The following TWF2 variants were observed in gnomAD, a reference collection of about 807,000 sequenced individuals.
TWF2 encodes twinfilin-2.
In TWF2, 15 loss-of-function variants were observed where a neutral mutation model predicts 45.1. The ratio of observed to expected loss-of-function variants is 0.33; its 90% CI spans 0.22 to 0.51. The LOEUF is 0.51. Ranked by LOEUF, TWF2 falls within the 20% of genes least tolerant of loss-of-function variation. TWF2 has a pLI of 0.97. For synonymous variants in TWF2, 177 were observed against 195.8 expected (o/e 0.90, Z 0.80); for missense variants, 423 against 469.1 (o/e 0.90, Z 0.91).
chr3:52,237,518 G>A (rs756086308), intron 1 of TWF2, among the ~76,000 whole-genome samples: 14 of 152,230 alleles, frequency 9.2e-5, no homozygotes, highest in African/African-American at 2.9e-4. Flanking sequence ...TGACCCCCTC[G>A]GTGGGCCTGT....
chr3:52,230,883 T>C lies in TWF2; in HGVS notation c.596A>G (p.Asn199Ser). 1.2e-6 allele frequency: 2 copies of C among 1,611,686 alleles called. No individual in the cohort carries two copies. Among genetic ancestry groups the C allele is most frequent in the Non-Finnish European group, 1.7e-6 (2 of 1,179,004 alleles). ...GCAGGCACCCACCATCTGGATGTAG[T>C]TGACCATTTTCTGCTTGAGCTGCTG... Reference protein sequence around the residue: ...ALQQLKQKMVNYIQMKLDLER... With the variant: ...ALQQLKQKMVSYIQMKLDLER... Residue 199 changes from asparagine (N) to serine (S), a missense_variant, in exon 6 of 9, where the codon AAC (asparagine) becomes AGC (serine). Transcript: ENST00000305533.
chr3:52,232,377 C>T (rs966568243), intron 2 of TWF2: 13 of 530,984 alleles, frequency 2.4e-5, no homozygotes, highest in East Asian at 1.9e-4. Flanking sequence ...CACACACACA[C>T]GTGCGCAGAT....
At chr3:52,233,683 C>T (rs377203003) in intron 2 of TWF2, among the ~76,000 whole-genome samples, 1 of 152,102 alleles carries the variant, frequency 6.6e-6, no homozygotes, top group African/African-American at 2.4e-5. Context: ...AATCCCAGCA[C>T]TTTGGGAGGC....
At chr3:52,237,396 G>A (rs1577988475) in intron 1 of TWF2, among the ~76,000 whole-genome samples, 1 of 152,244 alleles carries the variant, frequency 6.6e-6, no homozygotes, top group East Asian at 1.9e-4. Context: ...TCAGGACAGG[G>A]CTGGCACCTG....
chr3:52,231,329 C>A, intron 4 of TWF2, 98 bp from the exon 5 acceptor site: 2 of 1,569,134 alleles, frequency 1.3e-6, no homozygotes, highest in South Asian at 2.3e-5. Context: ...CTTGGACTCC[C>A]CCAGCGCCCC....
intron 1 of TWF2, among the ~76,000 whole-genome samples, chr3:52,238,563 G>A (rs562366471): frequency 1.3e-5 from 2 of 152,298 alleles, no homozygotes; most frequent in East Asian, 3.9e-4. Context: ...AGGGTCCTAT[G>A]CGACCTACAG....
At position 52,231,491 on chromosome 3, in the gene TWF2, C is replaced by T. The variant is rs776266989; in HGVS notation, c.331G>A (p.Glu111Lys). 1 of 1,614,040 alleles carries T rather than the reference C, an allele frequency of 6.2e-7. No individual in the cohort carries two copies. The highest frequency in any genetic ancestry group is 1.7e-5 in the Admixed American group (1 of 60,024). Residue 111 changes from glutamate (E) to lysine (K), a missense_variant, in exon 4 of 9, where the codon GAG becomes AAG. Physicochemically the swap from Glu to Lys is moderately conservative, Grantham distance 56 (BLOSUM62 1). Transcript: ENST00000305533. Reference protein sequence around the residue: ...YAATRATVKKEFGGGHIKDEL... With the variant: ...YAATRATVKKKFGGGHIKDEL... Reference sequence around the variant, plus strand: ...TCCTTGATGTGGCCACCTCCAAACTCCTTTTTCACTGTGGCCCGCGTGGCC... The same window carrying T: ...TCCTTGATGTGGCCACCTCCAAACTTCTTTTTCACTGTGGCCCGCGTGGCC...
At chr3:52,237,757 G>C (rs1162156394) in intron 1 of TWF2, among the ~76,000 whole-genome samples, 1 of 152,216 alleles carries the variant, frequency 6.6e-6, no homozygotes, top group African/African-American at 2.4e-5. Context: ...CCCTGGCCCT[G>C]ACCCAGGCCC....
intron 1 of TWF2, 146 bp downstream of exon 1, chr3:52,238,846 C>A (rs939651410): frequency 8.7e-5 from 99 of 1,144,092 alleles, no homozygotes; most frequent in Non-Finnish European, 1.1e-4. Context: ...CCCAGATGTG[C>A]CCACCCCAGG....
intron 8 of TWF2, 53 bp downstream of exon 8, chr3:52,229,608 G>A: frequency 2.5e-6 from 4 of 1,596,588 alleles, no homozygotes; most frequent in South Asian, 1.1e-5. Context: ...CGCCCCACAT[G>A]GAGATTGGAG....
chr3:52,235,442 C>G (rs1305943876), intron 1 of TWF2, among the ~76,000 whole-genome samples: 3 of 152,152 alleles, frequency 2.0e-5, no homozygotes, highest in Non-Finnish European at 2.9e-5. Flanking sequence ...GCAGGATGGC[C>G]GAGCTCTGGG....
chr3:52,230,708 G>A (rs1002887073), intron 6 of TWF2, among the ~76,000 whole-genome samples, 162 bp downstream of exon 6: 1 of 152,102 alleles, frequency 6.6e-6, no homozygotes, highest in Non-Finnish European at 1.5e-5. Context: ...GTAGGGATCA[G>A]GGAGGGGTGG....
intron 2 of TWF2, among the ~76,000 whole-genome samples, chr3:52,234,407 C>A (rs1205142669): frequency 1.4e-4 from 22 of 152,164 alleles, no homozygotes; most frequent in Admixed American, 1.2e-3. Flanking sequence ...TCTGCCTCCC[C>A]AAACCCTCCC....
At position 52,229,441 on chromosome 3, in the gene TWF2, G is replaced by A. The variant is rs117294495; in HGVS notation, c.882+220C>T. On this transcript the variant is annotated intron_variant, in intron 8 of 8. Transcript: ENST00000305533. The stretch of plus-strand genomic sequence containing the variant: ...CACCTCCTCCCTGTCTCCAGGCCCA[G>A]GGAAAGGACATGACATGGTAGCCAG... 5.1e-4 allele frequency among the ~76,000 whole-genome samples: 78 copies of A among 152,350 alleles called. 1 individual carries two copies. In the East Asian group the frequency reaches 0.014, roughly 27 times the overall value.
At chr3:52,231,652 G>C in intron 3 of TWF2, 113 bp from the exon 4 acceptor site, 1 of 1,252,816 alleles carries the variant, frequency 8.0e-7, no homozygotes, top group South Asian at 1.4e-5. Context: ...ACACCTGGCA[G>C]AGGGCCAGCC....
At chr3:52,230,425 G>A (rs1699667311) in intron 6 of TWF2, among the ~76,000 whole-genome samples, 1 of 152,232 alleles carries the variant, frequency 6.6e-6, no homozygotes, top group Non-Finnish European at 1.5e-5. Context: ...GAAGCATCTT[G>A]GAAGGGAGGA....
At chr3:52,234,176 C>T (rs879401897) in intron 2 of TWF2, among the ~76,000 whole-genome samples, 6 of 152,262 alleles carry the variant, frequency 3.9e-5, no homozygotes, top group Admixed American at 2.6e-4. Context: ...GCCAACACAA[C>T]GCGTGGAAAG....
chr3:52,228,796 A>T lies in TWF2; in HGVS notation c.*238T>A. On this transcript the variant is annotated 3_prime_UTR_variant, in exon 9 of 9. Transcript: ENST00000305533. Reference sequence around the variant, plus strand: ...GCCAGGCCCCTGACCCAGCCCCCTTAAGCCAGCCAGGCAGGGTCCCCGGAC... The same window carrying T: ...GCCAGGCCCCTGACCCAGCCCCCTTTAGCCAGCCAGGCAGGGTCCCCGGAC... The T allele has an allele frequency of 4.9e-6, 3 of 610,430 alleles. No individual in the cohort carries two copies. Among genetic ancestry groups the T allele is most frequent in the Non-Finnish European group, 8.2e-6 (3 of 365,818 alleles). 37.8% of individuals were successfully genotyped at this position (610,430 alleles called of 1,614,324 possible).
Position 52,231,532 on chromosome 3 carries a change from A to C in TWF2, c.290T>G (p.Leu97Arg). 1 of 1,612,972 alleles carries C rather than the reference A, an allele frequency of 6.2e-7. No homozygotes were observed. The highest frequency in any genetic ancestry group is 1.1e-5 in the South Asian group (1 of 91,020). The change falls in exon 4 of 9, where the codon CTG becomes CGG. Residue 97 changes from leucine to arginine, a missense_variant. Leu to Arg is a moderately radical substitution (Grantham distance 102, BLOSUM62 -2). Transcript: ENST00000305533. ...CCGCGTGGCCGCGTACAGCATCTTC[A>C]GCCGCACCTGAAGGGCAAGGGCCAA... ...AWSPDNSPVR[L>R]KMLYAATRAT...
Sources: allele counts gnomAD v4.1 joint callset (sites outside exome capture counted in the v4.1 genomes callset), GRCh38; gene constraint gnomAD v4.1.1; transcripts MANE v1.5; gene names NCBI Gene and HGNC (gene_info 2026-07-23, HGNC 2026-07-21).